The following TRDN variants were observed in gnomAD, a reference collection of about 807,000 sequenced individuals.
The protein encoded by TRDN is triadin.
TRDN carries 161 observed loss-of-function variants against 149.7 expected under a neutral mutation model. That is an observed-to-expected ratio of 1.08 (90% CI 0.95 to 1.23). TRDN has a LOEUF of 1.23. Ranked by LOEUF, TRDN falls within the 50% of genes most tolerant of loss-of-function variation. The probability of loss-of-function intolerance (pLI) is 0.00; values close to 1 mark genes in which losing one functional copy is unlikely to be tolerated. For missense variants in TRDN, 896 were observed against 823.5 expected (o/e 1.09, Z -1.08); for synonymous variants, 294 against 250.5 (o/e 1.17, Z -1.64).
chr6:123,255,989 T>C (rs1343741001), intron 35 of TRDN, 87 bp from the exon 36 acceptor site: 5 of 784,500 alleles, frequency 6.4e-6, no homozygotes, highest in Non-Finnish European at 8.6e-6. Context: ...GTGCAGAACA[T>C]GCAGGTTTGT....
At chr6:123,253,631 G>A (rs1435282608) in intron 37 of TRDN, among the ~76,000 whole-genome samples, 2 of 152,124 alleles carry the variant, frequency 1.3e-5, no homozygotes, top group African/African-American at 4.8e-5. Flanking sequence ...ATGAAGGAAT[G>A]AATAAGAATA....
chr6:123,307,498 C>A (rs1420028868), intron 24 of TRDN, among the ~76,000 whole-genome samples: 1 of 152,046 alleles, frequency 6.6e-6, no homozygotes, highest in Non-Finnish European at 1.5e-5. Flanking sequence ...AAACTCCTCA[C>A]AAAAGTAGTT....
intron 9 of TRDN, chr6:123,468,794 T>A (rs1776987010): frequency 6.6e-6 from 1 of 152,174 alleles, no homozygotes; most frequent in Admixed American, 6.5e-5. Flanking sequence ...CTCTACCATC[T>A]AATAGAGATT....
At chr6:123,339,162 G>A (rs1779978453) in intron 21 of TRDN, among the ~76,000 whole-genome samples, 1 of 151,840 alleles carries the variant, frequency 6.6e-6, no homozygotes, top group Non-Finnish European at 1.5e-5. Flanking sequence ...CCACCAGCAT[G>A]CCCGGCTAAT....
At chr6:123,570,774 A>G (rs1370709386) in intron 2 of TRDN, 149 bp downstream of exon 2, 25 of 666,916 alleles carry the variant, frequency 3.7e-5, no homozygotes, top group Non-Finnish European at 5.2e-5. Context: ...GGGAAGAATG[A>G]AACAGATTTC....
Position 123,516,225 on chromosome 6 carries a change from A to G in TRDN, c.485-19T>C, listed in dbSNP as rs1218580613. The G allele has an allele frequency of 1.2e-5, 17 of 1,463,800 alleles. No individual in the cohort carries two copies. The East Asian group carries it at 4.0e-4, about 34-fold the overall frequency. 90.7% of individuals were successfully genotyped at this position (1,463,800 alleles called of 1,614,324 possible). On this transcript the variant is annotated intron_variant, in intron 5 of 40. Transcript: ENST00000334268. ...TGTGTAACTGAAAAGAAACAGATAA[A>G]TAGTTTTCATTTAAATAACAGGAAT...
chr6:123,528,972 T>A (rs1780081924), intron 5 of TRDN: 1 of 1,242,924 alleles, frequency 8.0e-7, no homozygotes, highest in East Asian at 3.5e-5. Flanking sequence ...AAATTTATTT[T>A]AGACTTCAGC....
At chr6:123,501,998 C>T in intron 8 of TRDN, 1 of 985,008 alleles carries the variant, frequency 1.0e-6, no homozygotes, top group Non-Finnish European at 1.2e-6. Flanking sequence ...TCAAAAAATA[C>T]ATTCACATTC....
chr6:123,220,801 T>G (rs1775119105), intron 40 of TRDN, among the ~76,000 whole-genome samples: 1 of 151,924 alleles, frequency 6.6e-6, no homozygotes, highest in Non-Finnish European at 1.5e-5. Context: ...TTAAAAGCAT[T>G]ATGTGACACA....
At chr6:123,391,899 A>G (rs1027351252) in intron 13 of TRDN, among the ~76,000 whole-genome samples, 7 of 152,108 alleles carry the variant, frequency 4.6e-5, no homozygotes, top group Admixed American at 4.6e-4. Context: ...TGCAAATATT[A>G]ATTATTTATA....
chr6:123,601,535 A>T (rs749814225), intron 1 of TRDN, among the ~76,000 whole-genome samples: 4 of 152,130 alleles, frequency 2.6e-5, no homozygotes, highest in African/African-American at 2.4e-5. Context: ...CCATGGCTCC[A>T]GTTACTCCAC....
chr6:123,315,210 A>G (rs1054530237), intron 24 of TRDN, among the ~76,000 whole-genome samples: 1 of 151,910 alleles, frequency 6.6e-6, no homozygotes, highest in African/African-American at 2.4e-5. Context: ...TGCTAACAAT[A>G]ATAAAGCAAT....
At chr6:123,289,786 A>G (rs1027943534) in intron 24 of TRDN, among the ~76,000 whole-genome samples, 1 of 152,102 alleles carries the variant, frequency 6.6e-6, no homozygotes, top group African/African-American at 2.4e-5. Flanking sequence ...TCTTGAGTCA[A>G]TGTAGTGAAG....
intron 8 of TRDN, chr6:123,502,815 A>C: frequency 1.0e-6 from 1 of 985,316 alleles, no homozygotes. Flanking sequence ...TCTCCAAGAA[A>C]CACCAATTAC....
chr6:123,411,081 C>G (rs911181703), intron 12 of TRDN, among the ~76,000 whole-genome samples: 2 of 143,882 alleles, frequency 1.4e-5, no homozygotes, highest in Non-Finnish European at 3.0e-5. Context: ...GAGTCTCGCT[C>G]TGTTGCCCAG....
intron 12 of TRDN, among the ~76,000 whole-genome samples, chr6:123,427,459 T>C (rs932602276): frequency 1.3e-5 from 2 of 152,114 alleles, no homozygotes; most frequent in Non-Finnish European, 2.9e-5. Context: ...TTAAATGTAA[T>C]GTAATCCTTC....
At chr6:123,527,859 A>G (rs1392520687) in intron 5 of TRDN, among the ~76,000 whole-genome samples, 2 of 151,790 alleles carry the variant, frequency 1.3e-5, no homozygotes, top group Non-Finnish European at 1.5e-5. Flanking sequence ...TATTCTGATT[A>G]TATTTATAAA....
At chr6:123,542,340 T>TA (rs1171163264) in intron 4 of TRDN, among the ~76,000 whole-genome samples, 1 of 152,160 alleles carries the variant, frequency 6.6e-6, no homozygotes, top group Non-Finnish European at 1.5e-5. Flanking sequence ...AGGCAAGAGA[T>TA]AAACCTATAG....
At chr6:123,413,943 C>G (rs1332505491) in intron 12 of TRDN, among the ~76,000 whole-genome samples, 1 of 152,096 alleles carries the variant, frequency 6.6e-6, no homozygotes, top group Non-Finnish European at 1.5e-5. Flanking sequence ...TTATCCATTA[C>G]TAAGTGTTGG....
Sources: allele counts gnomAD v4.1 joint callset (sites outside exome capture counted in the v4.1 genomes callset), GRCh38; gene constraint gnomAD v4.1.1; transcripts MANE v1.5; gene names NCBI Gene and HGNC (gene_info 2026-07-23, HGNC 2026-07-21).